Variants in GABRB3 observed in about 807,000 individuals in gnomAD.
The protein encoded by GABRB3 is gamma-aminobutyric acid receptor subunit beta-3.
A neutral mutation model predicts 52.1 loss-of-function variants in GABRB3; 14 were observed. That is an observed-to-expected ratio of 0.27 (90% CI 0.18 to 0.42). The LOEUF is 0.42. Ranked by LOEUF, GABRB3 falls within the 10% of genes least tolerant of loss-of-function variation. The pLI is 1.00. For synonymous variants in GABRB3, 260 were observed against 232.3 expected (o/e 1.12, Z -1.08); for missense variants, 307 against 609.1 (o/e 0.50, Z 5.22).
chr15:26,763,785 A>G (rs929239855), intron 3 of GABRB3, among the ~76,000 whole-genome samples: 1 of 152,292 alleles, frequency 6.6e-6, no homozygotes, highest in Admixed American at 6.5e-5. Context: ...TATATGGCAA[A>G]CACAGTCAGG....
intron 6 of GABRB3, among the ~76,000 whole-genome samples, chr15:26,572,075 T>C (rs1226718982): frequency 7.5e-6 from 1 of 132,774 alleles, no homozygotes; most frequent in South Asian, 2.3e-4. Flanking sequence ...AAAAGGAAAA[T>C]GCCATTTCCA....
rs569132222 is a variant in GABRB3 at position 26,765,046 on chromosome 15, C to T, written c.240+7356G>A. Among the ~76,000 whole-genome samples the T allele has an allele frequency of 5.1e-3, 720 of 142,276 alleles. 7 individuals are homozygous for T. The highest frequency in any genetic ancestry group is 0.018 in the African/African-American group (689 of 38,604). The allele number at this position is 142,276 out of a possible 152,430, so 93.3% of individuals were successfully genotyped here. A position where few individuals can be genotyped will look rare whatever the true frequency, so the allele number is the denominator to read the frequency against. On this transcript the variant is annotated intron_variant, in intron 3 of 8. Transcript: ENST00000311550. ...TTGGGAGGCTGAGGCAGGAGAATGG[C>T]GTGAACCCGGGAGGCAGAGCTTGCA... is the stretch of plus-strand genomic sequence containing the variant.
chr15:26,772,829 G>T, intron 1 of GABRB3, 54 bp downstream of exon 1: 4 of 1,459,762 alleles, frequency 2.7e-6, no homozygotes, highest in Non-Finnish European at 3.6e-6. Context: ...AGCCGCCAGC[G>T]CCCCGCGCAC....
chr15:26,715,831 T>C, intron 3 of GABRB3, among the ~76,000 whole-genome samples: 1 of 152,170 alleles, frequency 6.6e-6, no homozygotes, highest in South Asian at 2.1e-4. Flanking sequence ...CCATGGTCTG[T>C]CATTTATGGG....
intron 3 of GABRB3, among the ~76,000 whole-genome samples, chr15:26,630,753 GA>G (rs1010489925): frequency 2.6e-5 from 4 of 152,170 alleles, no homozygotes; most frequent in Non-Finnish European, 5.9e-5. Flanking sequence ...CCTCTCCACA[GA>G]AAATACAATC....
At chr15:26,717,438 C>T (rs1007856105) in intron 3 of GABRB3, among the ~76,000 whole-genome samples, 2 of 152,336 alleles carry the variant, frequency 1.3e-5, no homozygotes, top group Admixed American at 6.5e-5. Context: ...TAATGTGGAC[C>T]ATGTGTAAAG....
chr15:26,599,705 T>C (rs1235916017), intron 4 of GABRB3, among the ~76,000 whole-genome samples: 4 of 152,106 alleles, frequency 2.6e-5, no homozygotes, highest in Non-Finnish European at 5.9e-5. Context: ...GATGAGATAG[T>C]GAAGGTCTAT....
chr15:26,652,160 G>A lies in GABRB3; in HGVS notation c.241-30626C>T, dbSNP rs996012478. 4.6e-5 allele frequency among the ~76,000 whole-genome samples: 7 copies of A among 152,272 alleles called. No homozygotes were observed. In the East Asian group the frequency reaches 1.2e-3, roughly 25 times the overall value. ...ATGGACTTCAAGTCTTTAGATAATA[G>A]CTTAACTCTCAACAAACTGTCAACT... On this transcript the variant is annotated intron_variant, in intron 3 of 8. Coordinates refer to ENST00000311550, the MANE Select transcript of GABRB3 (RefSeq NM_000814.6).
chr15:26,770,398 C>A (rs1891113634), intron 3 of GABRB3, among the ~76,000 whole-genome samples: 3 of 152,174 alleles, frequency 2.0e-5, no homozygotes, highest in Non-Finnish European at 4.4e-5. Flanking sequence ...AAAGATTGTT[C>A]AATACAATGG....
intron 3 of GABRB3, among the ~76,000 whole-genome samples, chr15:26,667,023 A>G (rs1207534508): frequency 2.7e-5 from 4 of 150,924 alleles, no homozygotes; most frequent in Non-Finnish European, 5.9e-5. Flanking sequence ...GTGCACACCA[A>G]TTGCAGGGGT....
intron 3 of GABRB3, among the ~76,000 whole-genome samples, chr15:26,640,261 T>A (rs1893164930): frequency 6.6e-6 from 1 of 152,136 alleles, no homozygotes; most frequent in Non-Finnish European, 1.5e-5. Context: ...CTCATGCCTG[T>A]AATACCAGCA....
intron 3 of GABRB3, among the ~76,000 whole-genome samples, chr15:26,659,782 A>G (rs1887482307): frequency 6.6e-6 from 1 of 152,316 alleles, no homozygotes; most frequent in East Asian, 1.9e-4. Flanking sequence ...ACCATCCACC[A>G]TGAGCACCGG....
intron 3 of GABRB3, among the ~76,000 whole-genome samples, chr15:26,674,924 G>C (rs1888021040): frequency 6.6e-6 from 1 of 152,166 alleles, no homozygotes; most frequent in Non-Finnish European, 1.5e-5. Context: ...TTCTCCTTGA[G>C]GTCAAGGTAA....
chr15:26,628,008 G>A (rs188570180), intron 3 of GABRB3, among the ~76,000 whole-genome samples: 1 of 152,310 alleles, frequency 6.6e-6, no homozygotes, highest in African/African-American at 2.4e-5. Flanking sequence ...TCAGCCAGCA[G>A]CCATCAACAC....
intron 3 of GABRB3, among the ~76,000 whole-genome samples, chr15:26,710,537 C>T (rs540606344): frequency 2.0e-3 from 301 of 152,310 alleles, no homozygotes; most frequent in African/African-American, 7.0e-3. Context: ...GCTGGGATGG[C>T]CTATATTTTC....
intron 3 of GABRB3, among the ~76,000 whole-genome samples, chr15:26,722,628 G>T (rs1889671245): frequency 6.6e-6 from 1 of 152,172 alleles, no homozygotes. Flanking sequence ...TCGTCCCTAA[G>T]TATCTTCTTG....
chr15:26,613,362 G>C (rs1049895053), intron 4 of GABRB3: 1 of 152,332 alleles, frequency 6.6e-6, no homozygotes, highest in African/African-American at 2.4e-5. Context: ...GGTGAGCTGA[G>C]ATCACGCCAC....
chr15:26,643,912 C>T (rs957210824), intron 3 of GABRB3, among the ~76,000 whole-genome samples: 3 of 152,212 alleles, frequency 2.0e-5, no homozygotes, highest in African/African-American at 4.8e-5. Flanking sequence ...ATGTTGCAGA[C>T]ACCGTCTGCC....
chr15:26,585,512 T>C (rs1376092138), intron 4 of GABRB3, among the ~76,000 whole-genome samples: 1 of 150,216 alleles, frequency 6.7e-6, no homozygotes, highest in African/African-American at 2.5e-5. Flanking sequence ...TGTCCTTCCA[T>C]TAGCATCTGG....
Sources: gnomAD v4.1 joint callset for allele counts (sites outside exome capture counted in the v4.1 genomes callset) on GRCh38, gnomAD v4.1.1 for gene constraint, MANE v1.5 for transcripts, NCBI Gene and HGNC (gene_info 2026-07-23, HGNC 2026-07-21) for gene names.